Variants in CCSER2 observed in about 807,000 individuals in gnomAD.
CCSER2 encodes the protein serine-rich coiled-coil domain-containing protein 2.
CCSER2 carries 46 observed loss-of-function variants against 92.3 expected under a neutral mutation model. The ratio of observed to expected loss-of-function variants is 0.50; its 90% CI spans 0.39 to 0.64. The LOEUF (loss-of-function observed/expected upper bound fraction) is 0.64. Ranked by LOEUF, CCSER2 falls within the 30% of genes least tolerant of loss-of-function variation. CCSER2 has a pLI of 0.00. For missense variants in CCSER2, 1,244 were observed against 1,238.9 expected (o/e 1.00, Z -0.06); for synonymous variants, 433 against 431.4 (o/e 1.00, Z -0.04).
At chr10:84,458,922 A>G (rs1247742000) in intron 6 of CCSER2, among the ~76,000 whole-genome samples, 1 of 151,462 alleles carries the variant, frequency 6.6e-6, no homozygotes, top group African/African-American at 2.4e-5. Flanking sequence ...TTTAAATTCA[A>G]TTTTCAGTTG....
At chr10:84,435,491 C>A (rs570122286) in intron 5 of CCSER2, among the ~76,000 whole-genome samples, 1 of 152,114 alleles carries the variant, frequency 6.6e-6, no homozygotes, top group African/African-American at 2.4e-5. Flanking sequence ...TAAGAAGTAC[C>A]TTTTAATTTG....
At chr10:84,461,540 T>C (rs1445614705) in intron 6 of CCSER2, among the ~76,000 whole-genome samples, 1 of 152,182 alleles carries the variant, frequency 6.6e-6, no homozygotes, top group East Asian at 1.9e-4. Flanking sequence ...TTGATCACTC[T>C]TTAAGTTTAT....
At chr10:84,449,801 C>T (rs71487112) in intron 6 of CCSER2, among the ~76,000 whole-genome samples, 9,000 of 152,214 alleles carry the variant, frequency 0.059, 373 homozygotes, top group Admixed American at 0.1. Flanking sequence ...GAGCTGAGAT[C>T]GCGCCATTGC....
At chr10:84,346,598 T>C (rs901155081) in intron 1 of CCSER2, among the ~76,000 whole-genome samples, 2 of 151,954 alleles carry the variant, frequency 1.3e-5, no homozygotes, top group African/African-American at 4.8e-5. Flanking sequence ...GGTAGATTTA[T>C]TGCTATATAT....
intron 6 of CCSER2, among the ~76,000 whole-genome samples, chr10:84,459,524 G>A (rs1845972703): frequency 6.6e-6 from 1 of 151,792 alleles, no homozygotes; most frequent in Non-Finnish European, 1.5e-5. Flanking sequence ...TTTTGGTTTG[G>A]TTTTGGGGGG....
In CCSER2 at chr10:84,496,539, C is replaced by T. The variant is rs561075956; in HGVS notation, c.2326-16910C>T. ...TGACCTCGTGATCTGCCCGCCTCGGCCTCCCAAAGTGCTGGGATTACAGGC... is the reference window on the plus strand; with the variant it reads ...TGACCTCGTGATCTGCCCGCCTCGGTCTCCCAAAGTGCTGGGATTACAGGC... On this transcript the variant is annotated intron_variant, in intron 9 of 9. Transcript: ENST00000372088. Among the ~76,000 whole-genome samples the T allele has an allele frequency of 1.9e-4, 29 of 152,092 alleles. 2 individuals carry two copies. The highest frequency in any genetic ancestry group is 3.4e-3 in the Middle Eastern group (1 of 294).
rs553098049 is a variant in CCSER2 at position 84,502,946 on chromosome 10, G to A, written c.2326-10503G>A. The stretch of plus-strand genomic sequence containing the variant: ...CGTTGAAGAATATAGGAAAATAGGC[G>A]AGGCGCGGTGGCTCACGCCTGTAAT... On this transcript the variant is annotated intron_variant, in intron 9 of 9. Transcript: ENST00000372088. Among the ~76,000 whole-genome samples, 10 of 152,104 alleles carry A rather than the reference G, an allele frequency of 6.6e-5. No homozygotes were observed. In the East Asian group the frequency reaches 1.2e-3, roughly 18 times the overall value.
chr10:84,379,758 A>G (rs1244912243), intron 3 of CCSER2, among the ~76,000 whole-genome samples: 1 of 152,164 alleles, frequency 6.6e-6, no homozygotes, highest in Non-Finnish European at 1.5e-5. Flanking sequence ...GTAATATTCT[A>G]CAGGTTTCTT....
chr10:84,459,051 A>C (rs1354861937), intron 6 of CCSER2, among the ~76,000 whole-genome samples: 2 of 152,180 alleles, frequency 1.3e-5, no homozygotes, highest in Non-Finnish European at 2.9e-5. Context: ...TGTGTTGCCC[A>C]GACTGGAATG....
intron 1 of CCSER2, among the ~76,000 whole-genome samples, chr10:84,355,623 A>T (rs530503367): frequency 1.3e-5 from 2 of 152,286 alleles, no homozygotes; most frequent in Admixed American, 1.3e-4. Context: ...TATTTTATCC[A>T]CAACCTCTAT....
chr10:84,396,801 T>C (rs767198314), intron 3 of CCSER2, among the ~76,000 whole-genome samples: 45 of 152,156 alleles, frequency 3.0e-4, no homozygotes, highest in Non-Finnish European at 4.9e-4. Flanking sequence ...CCTTCCAAAG[T>C]GTCGGGATTA....
intron 8 of CCSER2, among the ~76,000 whole-genome samples, chr10:84,476,637 G>T (rs939392811): frequency 9.2e-5 from 14 of 151,716 alleles, no homozygotes; most frequent in Admixed American, 2.0e-4. Flanking sequence ...TAGAGATGAG[G>T]TTTCACTGTG....
At chr10:84,376,181 A>G (rs1001593891) in intron 3 of CCSER2, among the ~76,000 whole-genome samples, 2 of 152,174 alleles carry the variant, frequency 1.3e-5, no homozygotes, top group African/African-American at 4.8e-5. Flanking sequence ...ATTACTTTTC[A>G]TAACACCAGT....
At chr10:84,454,679 T>G (rs1845498131) in intron 6 of CCSER2, 1 of 166,556 alleles carries the variant, frequency 6.0e-6, no homozygotes, top group Non-Finnish European at 1.3e-5. Flanking sequence ...CTTCTAAGTC[T>G]CAAAATTCTG....
At chr10:84,332,436 A>ATATAT (rs1401635246) in intron 1 of CCSER2, among the ~76,000 whole-genome samples, 9 of 55,210 alleles carry the variant, frequency 1.6e-4, no homozygotes, top group East Asian at 6.3e-4. Flanking sequence ...ATATATATAT[A>ATATAT]TTTTTTTTTT....
intron 3 of CCSER2, among the ~76,000 whole-genome samples, chr10:84,392,296 C>G (rs138224190): frequency 7.8e-6 from 1 of 127,794 alleles, no homozygotes; most frequent in Non-Finnish European, 1.6e-5. Flanking sequence ...AGCTACAACT[C>G]TGCACTGGAT....
intron 3 of CCSER2, among the ~76,000 whole-genome samples, chr10:84,409,433 C>T (rs1564636200): frequency 6.6e-6 from 1 of 152,152 alleles, no homozygotes; most frequent in Non-Finnish European, 1.5e-5. Context: ...AGCCACTTTG[C>T]CCATCCAGAA....
In CCSER2 at chr10:84,341,058, T is replaced by G. The variant is rs560884856; in HGVS notation, c.-40+12250T>G. 3.6e-3 allele frequency among the ~76,000 whole-genome samples: 538 copies of G among 149,558 alleles called. 7 individuals are homozygous for G. The East Asian group carries it at 0.074, about 21-fold the overall frequency. ...AACACTTTTTTTTTTTTTTTTTTTT[T>G]GAGACAGTGTCTTGTTCTGTCACCC... On this transcript the variant is annotated intron_variant, in intron 1 of 9. Coordinates refer to ENST00000372088, the MANE Select transcript of CCSER2 (RefSeq NM_001284240.2).
At chr10:84,470,257 G>T (rs747378976) in intron 7 of CCSER2, 115 bp from the exon 8 acceptor site, 29 of 514,750 alleles carry the variant, frequency 5.6e-5, no homozygotes, top group South Asian at 1.7e-4. Context: ...TTTAATAGAG[G>T]ATTTCCCCCC....
Sources: gnomAD v4.1 joint callset for allele counts (sites outside exome capture counted in the v4.1 genomes callset) on GRCh38, gnomAD v4.1.1 for gene constraint, MANE v1.5 for transcripts, NCBI Gene and HGNC (gene_info 2026-07-23, HGNC 2026-07-21) for gene names.